P2RX7: variants seen among roughly 807,000 people sequenced by gnomAD.
P2RX7 encodes the protein P2X purinoceptor 7.
P2RX7 carries 62 observed loss-of-function variants against 71.6 expected under a neutral mutation model. The observed-to-expected ratio is 0.87, with a 90% CI of 0.71 to 1.07. The LOEUF (loss-of-function observed/expected upper bound fraction) is 1.07, where lower values mean the gene tolerates loss of function less well. Ranked by LOEUF, P2RX7 falls within the 50% of genes least tolerant of loss-of-function variation. The probability of loss-of-function intolerance (pLI) is 0.00; values close to 1 mark genes in which losing one functional copy is unlikely to be tolerated. For synonymous variants in P2RX7, 299 were observed against 283.3 expected (o/e 1.06, Z -0.56); for missense variants, 686 against 748.5 (o/e 0.92, Z 0.97).
intron 1 of P2RX7, among the ~76,000 whole-genome samples, chr12:121,136,960 C>T (rs1053927038): frequency 1.2e-4 from 19 of 152,068 alleles, no homozygotes; most frequent in African/African-American, 3.9e-4. Context: ...TCAATTTCTT[C>T]AGATTATTGT....
Position 121,187,642 on chromosome 12 carries a change from C to T in P2RX7, c.*2840C>T, listed in dbSNP as rs1203918134. 1 of 151,782 alleles carries T rather than the reference C, an allele frequency of 6.6e-6. No individual in the cohort carries two copies. The highest frequency in any genetic ancestry group is 2.4e-5 in the African/African-American group (1 of 41,428). 9.4% of individuals were successfully genotyped at this position (151,782 alleles called of 1,614,324 possible). On this transcript the variant is annotated 3_prime_UTR_variant, in exon 13 of 13. Coordinates refer to ENST00000328963, the MANE Select transcript of P2RX7 (RefSeq NM_002562.6). Reference sequence around the variant, plus strand: ...TTTTCCATCACCTTCCCCACTGATGCTCTGGGCGAGAGAGTGATGTGTCAC... The same window carrying T: ...TTTTCCATCACCTTCCCCACTGATGTTCTGGGCGAGAGAGTGATGTGTCAC...
At chr12:121,163,342 A>ACACACACACACG (rs1400516023) in intron 5 of P2RX7, among the ~76,000 whole-genome samples, 28 of 126,826 alleles carry the variant, frequency 2.2e-4, no homozygotes, top group African/African-American at 6.5e-4. Flanking sequence ...ACACACACAC[A>ACACACACACACG]CACACACACA....
Position 121,154,808 on chromosome 12 carries a change from T to C in P2RX7, c.149T>C (p.Leu50Pro). 6.2e-7 allele frequency: 1 copy of C among 1,613,908 alleles called. No individual in the cohort carries two copies. Among genetic ancestry groups the C allele is most frequent in the Non-Finnish European group, 8.5e-7 (1 of 1,179,734 alleles). The change falls in exon 2 of 13, where the codon CTG becomes CCG. Residue 50 changes from leucine (L) to proline (P), a missense_variant. Leu to Pro is a moderately conservative substitution (Grantham distance 98). Transcript: ENST00000328963. This position sits in a 1 kb window ranked among gnomAD's most constrained non-coding sequence, Gnocchi z 4.2. ...AGCTTTGCTCTGGTGAGTGACAAGCTGTACCAGCGGAAAGAGCCTGTCATC... is the reference window on the plus strand; with the variant it reads ...AGCTTTGCTCTGGTGAGTGACAAGCCGTACCAGCGGAAAGAGCCTGTCATC... ...YVCFALVSDKLYQRKEPVISS... is the reference protein window; with the variant it reads ...YVCFALVSDKPYQRKEPVISS...
intron 1 of P2RX7, among the ~76,000 whole-genome samples, chr12:121,141,653 C>T: frequency 6.6e-6 from 1 of 152,160 alleles, no homozygotes; most frequent in Non-Finnish European, 1.5e-5. Context: ...TTCATATTTT[C>T]ATTTTAGAGA....
intron 8 of P2RX7, among the ~76,000 whole-genome samples, chr12:121,171,320 C>T (rs112272761): frequency 0.031 from 4,706 of 151,238 alleles, 251 homozygotes; most frequent in African/African-American, 0.11. Flanking sequence ...CCTCCATCCT[C>T]ACATGGCCTT....
At chr12:121,133,207 G>A (rs1458512968) in intron 1 of P2RX7, 112 bp downstream of exon 1, 4 of 1,266,188 alleles carry the variant, frequency 3.2e-6, no homozygotes, top group Non-Finnish European at 4.6e-6. Context: ...TCGAATCTGA[G>A]ACGTGCTCTC....
chr12:121,153,238 G>A (rs999324792), intron 1 of P2RX7, among the ~76,000 whole-genome samples: 2 of 152,238 alleles, frequency 1.3e-5, no homozygotes, highest in Admixed American at 1.3e-4. Context: ...AGCTGGGACT[G>A]AGTCTTGGCC....
chr12:121,174,043 CTTTTCTTTTTTTTT>C (rs1469983351), intron 8 of P2RX7, among the ~76,000 whole-genome samples: 1 of 121,266 alleles, frequency 8.2e-6, no homozygotes, highest in African/African-American at 3.2e-5. Context: ...TTTTTCTTTT[CTTTTCTTTTTTTTT>C]TTTTTTTTTT....
intron 8 of P2RX7, among the ~76,000 whole-genome samples, chr12:121,172,646 A>AAAC (rs35307011): frequency 0.041 from 6,232 of 151,404 alleles, 206 homozygotes; most frequent in Admixed American, 0.067. Context: ...AAACAAAAAC[A>AAAC]AACAACAACA....
At chr12:121,137,787 G>A (rs371653943) in intron 1 of P2RX7, among the ~76,000 whole-genome samples, 2 of 152,314 alleles carry the variant, frequency 1.3e-5, no homozygotes, top group South Asian at 2.1e-4. Flanking sequence ...ACCACAGGTG[G>A]AAATCCAGAC....
intron 1 of P2RX7, among the ~76,000 whole-genome samples, chr12:121,148,339 C>T (rs1286290007): frequency 2.0e-5 from 3 of 151,818 alleles, no homozygotes; most frequent in African/African-American, 7.3e-5. Context: ...CTCAGCCTCC[C>T]AAGTAGCTGG....
chr12:121,164,298 C>A (rs1445451073), intron 5 of P2RX7, among the ~76,000 whole-genome samples: 1 of 152,194 alleles, frequency 6.6e-6, no homozygotes, highest in Non-Finnish European at 1.5e-5. Context: ...TCCATCACCA[C>A]GTAGTAGGTG....
At chr12:121,182,643 A>G (rs1359683131) in intron 12 of P2RX7, among the ~76,000 whole-genome samples, 3 of 152,222 alleles carry the variant, frequency 2.0e-5, no homozygotes, top group East Asian at 3.8e-4. Flanking sequence ...GGCACTTACC[A>G]TGAATGGAGC....
In P2RX7 at chr12:121,154,838, C is replaced by T. The variant is rs1827141411; in HGVS notation, c.179C>T (p.Ser60Phe). Residue 60 changes from serine to phenylalanine, a missense_variant, in exon 2 of 13, where the codon TCT becomes TTT. Ser to Phe is a radical substitution (Grantham distance 155). Transcript: ENST00000328963. The surrounding 1 kb of genome is among the most constrained non-coding windows in gnomAD (Gnocchi z 4.2). ...LYQRKEPVIS[S>F]VHTKVKGIAE... ...CAGCGGAAAGAGCCTGTCATCAGTT[C>T]TGTGCACACCAAGGTGAAGGGGATA... The T allele has an allele frequency of 6.2e-7, 1 of 1,614,066 alleles. No homozygotes were observed. The highest frequency in any genetic ancestry group is 1.7e-5 in the Admixed American group (1 of 60,008).
intron 1 of P2RX7, among the ~76,000 whole-genome samples, chr12:121,151,081 C>T (rs939453495): frequency 6.6e-6 from 1 of 151,926 alleles, no homozygotes; most frequent in Admixed American, 6.6e-5. Context: ...ATCCTGCAGC[C>T]AGGCACAGTG....
rs1884949562 is a variant in P2RX7 at position 121,186,966 on chromosome 12, A to C, written c.*2164A>C. 1 of 152,266 alleles carries C rather than the reference A, an allele frequency of 6.6e-6. No individual in the cohort carries two copies. The highest frequency in any genetic ancestry group is 2.4e-5 in the African/African-American group (1 of 41,472). The allele number at this position is 152,266 out of a possible 1,614,324, so 9.4% of individuals were successfully genotyped here. A position where few individuals can be genotyped will look rare whatever the true frequency, so the allele number is the denominator to read the frequency against. ...AACACTCTGTACTTTGCAGCCAATC[A>C]GAACTGACGCAGTCTGGGTGCTAGC... On this transcript the variant is annotated 3_prime_UTR_variant, in exon 13 of 13. Transcript: ENST00000328963.
intron 8 of P2RX7, among the ~76,000 whole-genome samples, chr12:121,169,472 C>A (rs1881745605): frequency 6.6e-6 from 1 of 152,140 alleles, no homozygotes. Context: ...TAGAAAAGAT[C>A]TTATGCAAAG....
At chr12:121,141,387 C>T (rs1463290547) in intron 1 of P2RX7, among the ~76,000 whole-genome samples, 1 of 152,170 alleles carries the variant, frequency 6.6e-6, no homozygotes, top group African/African-American at 2.4e-5. Context: ...GCCTCCCAGC[C>T]CCGCTGCATG....
intron 7 of P2RX7, 109 bp downstream of exon 7, chr12:121,166,296 A>C: frequency 8.3e-7 from 1 of 1,207,140 alleles, no homozygotes; most frequent in Non-Finnish European, 1.2e-6. Flanking sequence ...GCTCACATTT[A>C]CTGAGCATTT....
Sources: allele counts gnomAD v4.1 joint callset (sites outside exome capture counted in the v4.1 genomes callset), GRCh38; gene constraint gnomAD v4.1.1; non-coding constraint Gnocchi (gnomAD v3.1); transcripts MANE v1.5; gene names NCBI Gene and HGNC (gene_info 2026-07-23, HGNC 2026-07-21).